The following MYH3 variants were observed in gnomAD, a reference collection of about 807,000 sequenced individuals.
The protein encoded by MYH3 is myosin heavy chain 3.
A neutral mutation model predicts 238.0 loss-of-function variants in MYH3; 130 were observed. That is an observed-to-expected ratio of 0.55 (90% confidence interval 0.47 to 0.63). MYH3 has a LOEUF of 0.63. MYH3 is among the 30% of genes least tolerant of loss of function. The pLI is 0.00. For missense variants in MYH3, 1,853 were observed against 2,374.9 expected (o/e 0.78, Z 4.57); for synonymous variants, 880 against 924.1 (o/e 0.95, Z 0.86).
chr17:10,636,110 G>T (rs1648878418), intron 28 of MYH3, among the ~76,000 whole-genome samples: 1 of 151,738 alleles, frequency 6.6e-6, no homozygotes, highest in Non-Finnish European at 1.5e-5. Flanking sequence ...AGATCACAAG[G>T]TCAGGAGTTT....
chr17:10,642,819 T>G lies in MYH3; in HGVS notation c.1581+7A>C, dbSNP rs747519189. Reference sequence around the variant, plus strand: ...GAAGAGCTTACGGTGGGGATGGAACTGGATACCTTCTCGATGAGCTCGATG... The same window carrying G: ...GAAGAGCTTACGGTGGGGATGGAACGGGATACCTTCTCGATGAGCTCGATG... On this transcript the variant is annotated splice_region_variant and intron_variant, in intron 15 of 40. Transcript: ENST00000583535. The surrounding 1 kb of genome is among the most constrained non-coding windows in gnomAD (Gnocchi z 5.4). 42 of 1,614,018 alleles carry G rather than the reference T, an allele frequency of 2.6e-5. No homozygotes were observed. Among genetic ancestry groups the G allele is most frequent in the Non-Finnish European group, 3.5e-5 (41 of 1,180,024 alleles).
Position 10,642,249 on chromosome 17 carries a change from G to A in MYH3, c.1950C>T (p.Ala650=). The A allele has an allele frequency of 6.2e-7, 1 of 1,613,724 alleles. No individual in the cohort carries two copies. The highest frequency in any genetic ancestry group is 8.5e-7 in the Non-Finnish European group (1 of 1,179,814). The stretch of plus-strand genomic sequence containing the variant: ...CTTGTATTTTTCTTACCCTGAAAAG[G>A]GCAGAGACAGTTTGGAAGGAAGAAC... ...KKGSSFQTVS[A]LFRENLNKLM... The change falls in exon 17 of 41, where the codon GCC becomes GCT. Residue 650 remains alanine, a synonymous_variant. Transcript: ENST00000583535. This position sits in a 1 kb window ranked among gnomAD's most constrained non-coding sequence, Gnocchi z 5.4.
At chr17:10,674,671 C>A in the MYH3 span, 1 of 152,562 alleles carries the variant, frequency 6.6e-6, no homozygotes, top group Non-Finnish European at 1.5e-5. Context: ...TGTGACACGT[C>A]TGACATTGTG....
chr17:10,649,856 C>T (rs992386200), intron 6 of MYH3, among the ~76,000 whole-genome samples, 171 bp from the exon 7 acceptor site: 1 of 152,364 alleles, frequency 6.6e-6, no homozygotes, highest in Middle Eastern at 3.4e-3. Flanking sequence ...ACAGGTGCCA[C>T]AGGCACTTGC....
chr17:10,659,136 G>C (rs184153324), upstream of MYH3: 33 of 152,250 alleles, frequency 2.2e-4, no homozygotes, highest in African/African-American at 6.7e-4. Flanking sequence ...ATGAAATAGG[G>C]GGCAATTTTG....
chr17:10,677,624 C>A, the MYH3 span: 1 of 152,178 alleles, frequency 6.6e-6, no homozygotes, highest in East Asian at 1.9e-4. Flanking sequence ...GTCAGTAAAT[C>A]TCACCTCTTA....
intron 28 of MYH3, 32 bp downstream of exon 28, chr17:10,637,777 T>C: frequency 1.9e-6 from 3 of 1,613,548 alleles, no homozygotes; most frequent in Non-Finnish European, 2.5e-6. Flanking sequence ...CCAGGAGGTT[T>C]TGGCCCCACG....
intron 36 of MYH3, 67 bp downstream of exon 36, chr17:10,631,544 A>G: frequency 1.2e-6 from 2 of 1,612,610 alleles, no homozygotes; most frequent in Non-Finnish European, 1.7e-6. Flanking sequence ...CACCTGTCTA[A>G]CTATGTGAGG....
chr17:10,652,180 C>T, intron 4 of MYH3: 1 of 588,646 alleles, frequency 1.7e-6, no homozygotes. Flanking sequence ...CACCCCGTGA[C>T]CAAGCCTGGC....
At chr17:10,664,696 G>A in the MYH3 span, among the ~76,000 whole-genome samples, 3 of 152,134 alleles carry the variant, frequency 2.0e-5, no homozygotes, top group Admixed American at 6.5e-5. Flanking sequence ...AGACGACCCC[G>A]TATCTATGGT....
intron 7 of MYH3, among the ~76,000 whole-genome samples, 189 bp from the exon 8 acceptor site, chr17:10,648,838 G>A (rs1425467860): frequency 6.6e-6 from 1 of 152,074 alleles, no homozygotes; most frequent in Non-Finnish European, 1.5e-5. Context: ...ACCATGCCCG[G>A]CTAATTTTGT....
In MYH3 at chr17:10,630,348, A is replaced by T. The variant is rs1295517328; in HGVS notation, c.5397T>A (p.Asp1799Glu). 1 of 1,614,162 alleles carries T rather than the reference A, an allele frequency of 6.2e-7. No homozygotes were observed. Among genetic ancestry groups the T allele is most frequent in the Admixed American group, 1.7e-5 (1 of 60,028 alleles). Residue 1799 changes from aspartate (D) to glutamate (E), a missense_variant, in exon 37 of 41, where the codon GAT (aspartate) becomes GAA (glutamate). By Grantham distance (45) the Asp-to-Glu change is conservative (BLOSUM62 2). This residue lies in a region of MYH3 where 1,044 missense variants were observed against 1,192.6 expected (regional missense o/e 0.88). Transcript: ENST00000583535. The part of the protein sequence containing the change: ...QTVKDLQHRL[D>E]EAEQLALKGG... ...CCTTCAGCGCCAGCTGCTCGGCCTC[A>T]TCTAGACGATGCTGCAGGTCCTTCA... is the stretch of plus-strand genomic sequence containing the variant.
In MYH3 at chr17:10,646,783, C is replaced by T. The variant is rs138859567; in HGVS notation, c.898+399G>A. ...CTTTTCCTGGCAAAGTGCAGTGGCT[C>T]ACACCTATAATCCCAGCACTGTGGG... is the stretch of plus-strand genomic sequence containing the variant. On this transcript the variant is annotated intron_variant, in intron 10 of 40. Transcript: ENST00000583535. Among the ~76,000 whole-genome samples, 268 of 152,320 alleles carry T rather than the reference C, an allele frequency of 1.8e-3. 3 individuals carry two copies. Among genetic ancestry groups the T allele is most frequent in the African/African-American group, 5.8e-3 (243 of 41,562 alleles).
intron 8 of MYH3, 101 bp downstream of exon 8, chr17:10,648,456 C>A: frequency 1.0e-6 from 1 of 995,172 alleles, no homozygotes; most frequent in Non-Finnish European, 1.6e-6. Flanking sequence ...TTTTGTTTTT[C>A]ATCATCTGTT....
At chr17:10,632,350 C>T in intron 34 of MYH3, 126 bp downstream of exon 34, 3 of 1,130,960 alleles carry the variant, frequency 2.7e-6, no homozygotes, top group East Asian at 2.4e-5. Flanking sequence ...AACTCCTGGG[C>T]TCAAGTGAGC....
chr17:10,659,639 T>A (rs1242614846), upstream of MYH3, among the ~76,000 whole-genome samples: 1 of 152,150 alleles, frequency 6.6e-6, no homozygotes, highest in African/African-American at 2.4e-5. Flanking sequence ...GAAGACACGT[T>A]CCCCCAGATG....
rs2074404766 is a variant in MYH3 at position 10,654,147 on chromosome 17, C to A, written c.204+714G>T. On this transcript the variant is annotated intron_variant, in intron 3 of 40. Coordinates refer to ENST00000583535, the MANE Select transcript of MYH3 (RefSeq NM_002470.4). The surrounding 1 kb of genome is among the most constrained non-coding windows in gnomAD (Gnocchi z 4.5). ...CTTGTCTCTTTTATTTTCTTTCTTT[C>A]TTTCTCTTTCTTTCTTTCCTTCCTT... 1.3e-5 allele frequency among the ~76,000 whole-genome samples: 1 copy of A among 78,624 alleles called. No homozygotes were observed. The highest frequency in any genetic ancestry group is 3.4e-5 in the African/African-American group (1 of 29,298). The allele number at this position is 78,624 out of a possible 152,430, so 51.6% of individuals were successfully genotyped here.
At position 10,634,850 on chromosome 17, in the gene MYH3, T is replaced by C. The variant is rs934675467; in HGVS notation, c.4346A>G (p.Asn1449Ser). The C allele has an allele frequency of 1.2e-6, 2 of 1,614,008 alleles. No homozygotes were observed. The highest frequency in any genetic ancestry group is 2.7e-5 in the African/African-American group (2 of 74,910). The change falls in exon 31 of 41, where the codon AAC becomes AGC. Residue 1449 changes from asparagine to serine, a missense_variant. Asn to Ser is a conservative substitution (Grantham distance 46, BLOSUM62 1). Around this residue, in one of 3 missense-constraint regions of MYH3, gnomAD observed 1,044 missense variants for 1,192.6 expected, o/e 0.88. Coordinates refer to ENST00000583535, the MANE Select transcript of MYH3 (RefSeq NM_002470.4). Reference sequence around the variant, plus strand: ...CAGCGGACCCCACACCTTGTCAAAGTTCCTCTGCTTCTTGTCCAGAGCGGC... The same window carrying C: ...CAGCGGACCCCACACCTTGTCAAAGCTCCTCTGCTTCTTGTCCAGAGCGGC... ...LAAALDKKQR[N>S]FDKVLAEWKT...
At chr17:10,645,120 C>T (rs1331186019) in intron 12 of MYH3, among the ~76,000 whole-genome samples, 5 of 151,822 alleles carry the variant, frequency 3.3e-5, no homozygotes, top group African/African-American at 1.2e-4. Flanking sequence ...GCACTGCAAC[C>T]TCTGCCTCCT....
Sources: allele counts gnomAD v4.1 joint callset (sites outside exome capture counted in the v4.1 genomes callset), GRCh38; gene constraint gnomAD v4.1.1; regional missense constraint gnomAD v4.1.1; non-coding constraint Gnocchi (gnomAD v3.1); transcripts MANE v1.5; gene names NCBI Gene and HGNC (gene_info 2026-07-23, HGNC 2026-07-21).